The following PDGFD variants were observed in gnomAD, a reference collection of about 807,000 sequenced individuals.
The protein encoded by PDGFD is platelet derived growth factor D.
Under a neutral mutation model 44.7 loss-of-function variants are expected in PDGFD, and 30 were observed. That is an observed-to-expected ratio of 0.67 (90% CI 0.50 to 0.91). PDGFD has a LOEUF of 0.91. Ranked by LOEUF, PDGFD falls within the 40% of genes least tolerant of loss-of-function variation. PDGFD has a pLI of 0.00. For missense variants in PDGFD, 445 were observed against 457.8 expected, an observed-to-expected ratio of 0.97 and a Z score of 0.25; for synonymous variants, 173 against 168.4, an observed-to-expected ratio of 1.03 and a Z score of -0.21.
At chr11:103,997,473 C>T (rs1859550516) in intron 2 of PDGFD, among the ~76,000 whole-genome samples, 1 of 152,094 alleles carries the variant, frequency 6.6e-6, no homozygotes, top group Admixed American at 6.6e-5. Context: ...ATTTACAAGG[C>T]CCTTATGTCC....
At position 103,976,971 on chromosome 11, in the gene PDGFD, A is replaced by G. The variant is rs1591103652; in HGVS notation, c.510+19094T>C. ...CAGAATAATAAAGAAGAAAAGAGAG[A>G]AGAATCAAATAAACAGAATAGAAAA... On this transcript the variant is annotated intron_variant, in intron 3 of 6. Coordinates refer to ENST00000393158, the MANE Select transcript of PDGFD (RefSeq NM_025208.5). Among the ~76,000 whole-genome samples, 3 of 152,166 alleles carry G rather than the reference A, an allele frequency of 2.0e-5. No individual in the cohort carries two copies. In the East Asian group the frequency reaches 5.8e-4, roughly 29 times the overall value.
chr11:104,099,154 C>T (rs1565334306), intron 1 of PDGFD, among the ~76,000 whole-genome samples: 2 of 152,198 alleles, frequency 1.3e-5, no homozygotes, highest in South Asian at 4.1e-4. Flanking sequence ...AATCACTACC[C>T]AGCTAATCAT....
At chr11:104,129,215 C>T (rs1861881565) in intron 1 of PDGFD, among the ~76,000 whole-genome samples, 1 of 148,442 alleles carries the variant, frequency 6.7e-6, no homozygotes, top group African/African-American at 2.5e-5. Context: ...TCACTGTCAT[C>T]ATCTTTTTTT....
At chr11:103,921,069 T>A (rs1413316781) in intron 6 of PDGFD, among the ~76,000 whole-genome samples, 1 of 152,114 alleles carries the variant, frequency 6.6e-6, no homozygotes, top group Non-Finnish European at 1.5e-5. Context: ...CCCCTCCATG[T>A]GGCAAAGCTG....
At chr11:104,022,384 C>T (rs61904893) in intron 1 of PDGFD, among the ~76,000 whole-genome samples, 6,859 of 152,146 alleles carry the variant, frequency 0.045, 209 homozygotes, top group Non-Finnish European at 0.067. Context: ...CATTAATTTA[C>T]GTAGACTCTG....
intron 1 of PDGFD, among the ~76,000 whole-genome samples, chr11:104,060,715 T>C (rs969454902): frequency 1.3e-5 from 2 of 152,164 alleles, no homozygotes; most frequent in Non-Finnish European, 2.9e-5. Context: ...TTTCAGGAGG[T>C]ACGTCTCCCA....
At chr11:104,017,825 C>T (rs755692590) in intron 1 of PDGFD, among the ~76,000 whole-genome samples, 3 of 152,260 alleles carry the variant, frequency 2.0e-5, no homozygotes, top group African/African-American at 2.4e-5. Context: ...AAAGTAAGTA[C>T]GCGATGTTTA....
At chr11:104,048,462 A>C (rs1860477471) in intron 1 of PDGFD, among the ~76,000 whole-genome samples, 1 of 152,130 alleles carries the variant, frequency 6.6e-6, no homozygotes, top group Non-Finnish European at 1.5e-5. Flanking sequence ...TTCACCTCAA[A>C]CATTCTGTAT....
chr11:104,101,329 T>C (rs1047136412), intron 1 of PDGFD, among the ~76,000 whole-genome samples: 1 of 151,948 alleles, frequency 6.6e-6, no homozygotes, highest in Non-Finnish European at 1.5e-5. Flanking sequence ...GAGAGCCAAA[T>C]CATGAGTGAA....
intron 1 of PDGFD, among the ~76,000 whole-genome samples, chr11:104,074,569 T>G (rs1440756609): frequency 6.6e-6 from 1 of 152,170 alleles, no homozygotes; most frequent in African/African-American, 2.4e-5. Context: ...TAGGAAGCAG[T>G]GTGGTACTGG....
chr11:104,071,308 GAAAT>G (rs1860872908), intron 1 of PDGFD, among the ~76,000 whole-genome samples: 2 of 151,438 alleles, frequency 1.3e-5, no homozygotes, highest in South Asian at 2.1e-4. Flanking sequence ...TTATGTTTAA[GAAAT>G]AAATGTCAAT....
intron 1 of PDGFD, among the ~76,000 whole-genome samples, chr11:104,070,607 G>T (rs554470632): frequency 6.6e-6 from 1 of 152,160 alleles, no homozygotes; most frequent in African/African-American, 2.4e-5. Flanking sequence ...TTTTCCCTCT[G>T]GTAAAATCAT....
intron 3 of PDGFD, among the ~76,000 whole-genome samples, chr11:103,972,497 C>G (rs1441646689): frequency 1.3e-5 from 2 of 152,084 alleles, no homozygotes; most frequent in Admixed American, 1.3e-4. Flanking sequence ...GAAAGTTGGG[C>G]TGGTGTTGGT....
chr11:103,926,857 T>A (rs1362015899), intron 6 of PDGFD, 55 bp downstream of exon 6: 1 of 1,533,030 alleles, frequency 6.5e-7, no homozygotes. Flanking sequence ...AATGGCCCTG[T>A]CTTCCTGAAT....
chr11:104,068,767 C>CCTA (rs1436911930), intron 1 of PDGFD, among the ~76,000 whole-genome samples: 3 of 151,968 alleles, frequency 2.0e-5, no homozygotes, highest in Non-Finnish European at 4.4e-5. Context: ...TACTCTTTAT[C>CCTA]AAGATTTTAA....
At chr11:104,157,321 A>G (rs1442725646) in intron 1 of PDGFD, among the ~76,000 whole-genome samples, 1 of 152,176 alleles carries the variant, frequency 6.6e-6, no homozygotes, top group Non-Finnish European at 1.5e-5. Flanking sequence ...GCAGGGATAT[A>G]GGAAGACTGG....
intron 1 of PDGFD, among the ~76,000 whole-genome samples, chr11:104,008,524 C>T (rs945573996): frequency 5.9e-5 from 9 of 152,104 alleles, no homozygotes; most frequent in African/African-American, 1.9e-4. Flanking sequence ...TAATTATCCA[C>T]TTAGCACACT....
intron 6 of PDGFD, among the ~76,000 whole-genome samples, chr11:103,911,860 A>G (rs1351386144): frequency 1.3e-5 from 2 of 151,952 alleles, no homozygotes; most frequent in Non-Finnish European, 2.9e-5. Flanking sequence ...CAAATCGATC[A>G]AGCAGAAGAA....
intron 1 of PDGFD, among the ~76,000 whole-genome samples, chr11:104,006,081 G>A (rs866215901): frequency 3.9e-5 from 6 of 152,090 alleles, no homozygotes; most frequent in African/African-American, 7.2e-5. Context: ...AAGTACCCCA[G>A]GAGCTCATGA....
Sources: gnomAD v4.1 joint callset for allele counts (sites outside exome capture counted in the v4.1 genomes callset) on GRCh38, gnomAD v4.1.1 for gene constraint, MANE v1.5 for transcripts, NCBI Gene and HGNC (gene_info 2026-07-23, HGNC 2026-07-21) for gene names.